EMC2: variants seen among roughly 807,000 people sequenced by gnomAD.
EMC2 encodes the protein TPR repeat protein 35.
A neutral mutation model predicts 51.6 loss-of-function variants in EMC2; 37 were observed. The ratio of observed to expected loss-of-function variants is 0.72; its 90% CI spans 0.55 to 0.94. The LOEUF (loss-of-function observed/expected upper bound fraction) is 0.94, where lower values mean the gene tolerates loss of function less well. EMC2 is among the 40% of genes least tolerant of loss of function. The pLI is 0.00. For missense variants in EMC2, 359 were observed against 350.9 expected (o/e 1.02, Z -0.18); for synonymous variants, 131 against 112.4 (o/e 1.17, Z -1.04).
chr8:108,453,219 T>G, intron 4 of EMC2, 72 bp downstream of exon 4: 1 of 785,142 alleles, frequency 1.3e-6, no homozygotes, highest in South Asian at 1.8e-5. Context: ...TTTTTTTTAA[T>G]TCAGACATTC....
chr8:108,485,570 TAC>T (rs547924736), intron 10 of EMC2, among the ~76,000 whole-genome samples: 1 of 140,974 alleles, frequency 7.1e-6, no homozygotes, highest in African/African-American at 2.6e-5. Context: ...CACACACACA[TAC>T]ACACACAATA....
chr8:108,479,562 C>A (rs1811009411), intron 10 of EMC2, among the ~76,000 whole-genome samples: 4 of 151,998 alleles, frequency 2.6e-5, no homozygotes, highest in Admixed American at 2.6e-4. Flanking sequence ...TGAAACTTCT[C>A]CATTTGTATC....
chr8:108,457,331 CGTGTGTGTGTGTGTGT>C lies in EMC2; in HGVS notation c.363+1428_363+1443del, dbSNP rs56319322. On this transcript the variant is annotated intron_variant, in intron 5 of 10. Coordinates refer to ENST00000220853, the MANE Select transcript of EMC2 (RefSeq NM_014673.5). ...TTGTGTAGGGATGTGCGTGTGTGTG[CGTGTGTGTGTGTGTGT>C]GTGTGTGTGTGTGTGTGTGTGTGTG... Among the ~76,000 whole-genome samples, 1,040 of 128,084 alleles carry C rather than the reference CGTGTGTGTGTGTGTGT, an allele frequency of 8.1e-3. 13 individuals are homozygous for C. The highest frequency in any genetic ancestry group is 0.053 in the South Asian group (214 of 4,038). The allele number at this position is 128,084 out of a possible 152,430, so 84.0% of individuals were successfully genotyped here.
chr8:108,461,472 C>T (rs1819317662), intron 5 of EMC2, among the ~76,000 whole-genome samples: 1 of 152,100 alleles, frequency 6.6e-6, no homozygotes, highest in South Asian at 2.1e-4. Flanking sequence ...TGATGACTTG[C>T]TGCATGGGTT....
rs1811190300 is a variant in EMC2, at chr8:108,488,855, A to G, written c.*2257A>G. On this transcript the variant is annotated 3_prime_UTR_variant, in exon 11 of 11. Coordinates refer to ENST00000220853, the MANE Select transcript of EMC2 (RefSeq NM_014673.5). ...AACCATATGTGATATTGAGTACTTG[A>G]TATGTGACTACTGCAATTGAGAAAT... 6.6e-6 allele frequency among the ~76,000 whole-genome samples: 1 copy of G among 152,202 alleles called. No homozygotes were observed. Among genetic ancestry groups the G allele is most frequent in the African/African-American group, 2.4e-5 (1 of 41,454 alleles).
chr8:108,478,865 CTTTATG>C (rs1012787937), intron 9 of EMC2, 135 bp from the exon 10 acceptor site: 19 of 374,124 alleles, frequency 5.1e-5, no homozygotes, highest in Admixed American at 2.7e-4. Flanking sequence ...TAATATTCAA[CTTTATG>C]TTTATATTAA....
At chr8:108,468,983 T>A (rs186299751) in intron 5 of EMC2, among the ~76,000 whole-genome samples, 130 of 152,278 alleles carry the variant, frequency 8.5e-4, no homozygotes, top group Admixed American at 2.4e-3. Flanking sequence ...ACACGTATCA[T>A]ATGTGGGACC....
intron 10 of EMC2, among the ~76,000 whole-genome samples, chr8:108,481,258 A>G (rs1010855261): frequency 1.3e-5 from 2 of 152,146 alleles, no homozygotes; most frequent in East Asian, 1.9e-4. Flanking sequence ...TAGTGCCTCC[A>G]TAATCACATC....
At chr8:108,450,580 T>C (rs1586175531) in intron 3 of EMC2, 88 bp downstream of exon 3, 1 of 819,690 alleles carries the variant, frequency 1.2e-6, no homozygotes, top group Non-Finnish European at 2.2e-6. Context: ...TATGGAATGC[T>C]TTCAATAGCT....
intron 10 of EMC2, among the ~76,000 whole-genome samples, chr8:108,483,108 A>G (rs1331375877): frequency 1.3e-5 from 2 of 152,060 alleles, no homozygotes; most frequent in African/African-American, 2.4e-5. Flanking sequence ...ATTACCTAAC[A>G]TCTCTTGCTG....
chr8:108,469,696 C>T (rs534321872), intron 5 of EMC2, 130 bp from the exon 6 acceptor site: 7 of 679,244 alleles, frequency 1.0e-5, no homozygotes, highest in South Asian at 7.4e-5. Context: ...TTTATAAACT[C>T]CCACTAAGCA....
Position 108,470,045 on chromosome 8 carries a change from T to C in EMC2, c.450-17T>C. The C allele has an allele frequency of 6.2e-7, 1 of 1,610,842 alleles. No homozygotes were observed. Among genetic ancestry groups the C allele is most frequent in the Non-Finnish European group, 8.5e-7 (1 of 1,177,822 alleles). On this transcript the variant is annotated splice_polypyrimidine_tract_variant and intron_variant, in intron 6 of 10. Transcript: ENST00000220853. Reference sequence around the variant, plus strand: ...GAATATCTACACACTTACTTTTTTTTCTTTTCCTCTCACCAGATTTGTTGG... The same window carrying C: ...GAATATCTACACACTTACTTTTTTTCCTTTTCCTCTCACCAGATTTGTTGG...
chr8:108,450,431 G>A lies in EMC2; in HGVS notation c.158G>A (p.Trp53Ter). 1 of 1,591,296 alleles carries A rather than the reference G, an allele frequency of 6.3e-7. No homozygotes were observed. Among genetic ancestry groups the A allele is most frequent in the South Asian group, 1.1e-5 (1 of 90,532 alleles). ...EYASKLGDDIWIIYEQVMIAA... is the reference protein window; with the variant it reads ...EYASKLGDDI The stretch of plus-strand genomic sequence containing the variant: ...TTCCCCCTTTATGTGTATCTAGTTT[G>A]GATCATATATGAACAGGTGATGATT... Residue 53 changes from tryptophan to a stop codon, truncating the protein, a stop_gained, in exon 3 of 11, where the codon TGG becomes TAG. Transcript: ENST00000220853. LOFTEE classifies it high-confidence loss of function.
At chr8:108,456,359 A>AAAAAAAAAAAAAAAC (rs1819158373) in intron 5 of EMC2, among the ~76,000 whole-genome samples, 7 of 149,954 alleles carry the variant, frequency 4.7e-5, no homozygotes, top group African/African-American at 1.7e-4. Context: ...AAAAAAAAAA[A>AAAAAAAAAAAAAAAC]AACAACTTCT....
At chr8:108,467,491 G>C (rs1810750760) in intron 5 of EMC2, among the ~76,000 whole-genome samples, 1 of 151,812 alleles carries the variant, frequency 6.6e-6, no homozygotes. Context: ...TGGGATTACA[G>C]GTGCACACCA....
chr8:108,463,459 A>C (rs1466951658), intron 5 of EMC2, among the ~76,000 whole-genome samples: 1 of 152,080 alleles, frequency 6.6e-6, no homozygotes, highest in Admixed American at 6.5e-5. Context: ...AGGGGAAAAA[A>C]TTATATCCAT....
chr8:108,453,545 A>G (rs1819081529), intron 4 of EMC2, among the ~76,000 whole-genome samples: 1 of 151,624 alleles, frequency 6.6e-6, no homozygotes, highest in Non-Finnish European at 1.5e-5. Context: ...AGTTCAGTTT[A>G]TCATTTTTTT....
chr8:108,486,168 A>T (rs893197688), intron 10 of EMC2, among the ~76,000 whole-genome samples: 1 of 150,838 alleles, frequency 6.6e-6, no homozygotes, highest in Non-Finnish European at 1.5e-5. Context: ...CTACATAAAT[A>T]TAAGCTAAAT....
intron 5 of EMC2, among the ~76,000 whole-genome samples, chr8:108,459,868 AAAT>A (rs991638184): frequency 1.3e-5 from 2 of 152,150 alleles, no homozygotes; most frequent in South Asian, 2.1e-4. Flanking sequence ...TAAAAAATAA[AAAT>A]AAGAAATAGC....
Sources: gnomAD v4.1 joint callset for allele counts (sites outside exome capture counted in the v4.1 genomes callset) on GRCh38, gnomAD v4.1.1 for gene constraint, MANE v1.5 for transcripts, NCBI Gene and HGNC (gene_info 2026-07-23, HGNC 2026-07-21) for gene names.